Variants in TNFRSF13C observed in about 807,000 individuals in gnomAD.
TNFRSF13C encodes the protein tumor necrosis factor receptor superfamily member 13C.
Under a neutral mutation model 12.1 loss-of-function variants are expected in TNFRSF13C, and 7 were observed. That is an observed-to-expected ratio of 0.58 (90% CI 0.33 to 1.08). The LOEUF (loss-of-function observed/expected upper bound fraction) is 1.08. TNFRSF13C is among the 50% of genes least tolerant of loss of function. The pLI, the probability that TNFRSF13C is intolerant of heterozygous loss-of-function variation, is 0.04. For synonymous variants in TNFRSF13C, 157 were observed against 130.8 expected, an observed-to-expected ratio of 1.20 and a Z score of -1.37; for missense variants, 260 against 265.9, an observed-to-expected ratio of 0.98 and a Z score of 0.15.
chr22:41,926,499 G>T lies in TNFRSF13C; in HGVS notation c.136+139C>A. 8.5e-7 allele frequency: 1 copy of T among 1,177,680 alleles called. No homozygotes were observed. Among genetic ancestry groups the T allele is most frequent in the Non-Finnish European group, 1.1e-6 (1 of 908,906 alleles). The allele number at this position is 1,177,680 out of a possible 1,614,324, so 73.0% of individuals were successfully genotyped here. On this transcript the variant is annotated intron_variant, in intron 1 of 2. Transcript: ENST00000291232. This position sits in a 1 kb window ranked among gnomAD's most constrained non-coding sequence, Gnocchi z 4.9. ...GCGGTGAGGGCCACGCGGTGATCGCGGGCCCCTCCAGGCCCTGCCCACAGG... is the reference window on the plus strand; with the variant it reads ...GCGGTGAGGGCCACGCGGTGATCGCTGGCCCCTCCAGGCCCTGCCCACAGG...
At chr22:41,925,983 C>T in intron 2 of TNFRSF13C, 118 bp downstream of exon 2, 2 of 1,380,682 alleles carry the variant, frequency 1.4e-6, no homozygotes, top group Non-Finnish European at 1.0e-6. Flanking sequence ...CACTCTGTCT[C>T]CGTTTCCCCT....
chr22:41,925,331 GAGGGAGGGCAGGGGCC>G lies in TNFRSF13C; in HGVS notation c.*20_*35del, dbSNP rs2077623548. On this transcript the variant is annotated 3_prime_UTR_variant, in exon 3 of 3. Coordinates refer to ENST00000291232, the MANE Select transcript of TNFRSF13C (RefSeq NM_052945.4). ...TTCCAAGCCCCTGGCTGGGGGTCCA[GAGGGAGGGCAGGGGCC>G]ACCTCCTGCCGGCTCCCTGCTATTG... is the stretch of plus-strand genomic sequence containing the variant. 1.3e-6 allele frequency: 2 copies of G among 1,577,572 alleles called. No homozygotes were observed. The highest frequency in any genetic ancestry group is 1.7e-6 in the Non-Finnish European group (2 of 1,166,490).
rs926272365 is a variant in TNFRSF13C, at chr22:41,926,402, G to A, written c.137-71C>T. 5.6e-6 allele frequency: 7 copies of A among 1,248,598 alleles called. No homozygotes were observed. In the African/African-American group the frequency reaches 1.1e-4, roughly 20 times the overall value. 77.3% of individuals were successfully genotyped at this position (1,248,598 alleles called of 1,614,324 possible). A position where few individuals can be genotyped will look rare whatever the true frequency, so the allele number is the denominator to read the frequency against. On this transcript the variant is annotated intron_variant, in intron 1 of 2. Transcript: ENST00000291232. This position sits in a 1 kb window ranked among gnomAD's most constrained non-coding sequence, Gnocchi z 4.9. ...GGGAGGAGCGGGGACGGGGAGGGGC[G>A]GAGGGGGGCGAGGCTGGCCGGGGAG... is the stretch of plus-strand genomic sequence containing the variant.
chr22:41,926,094 A>G lies in TNFRSF13C; in HGVS notation c.367+7T>C, dbSNP rs1399827098. ...CTCAGACTGGTTCCCCTACACACGG[A>G]ACTCACCGTCCTTGTCTCCGTCGGG... is the stretch of plus-strand genomic sequence containing the variant. On this transcript the variant is annotated splice_region_variant and intron_variant, in intron 2 of 2. Coordinates refer to ENST00000291232, the MANE Select transcript of TNFRSF13C (RefSeq NM_052945.4). This position sits in a 1 kb window ranked among gnomAD's most constrained non-coding sequence, Gnocchi z 4.9. The G allele has an allele frequency of 1.2e-6, 2 of 1,612,298 alleles. No homozygotes were observed. Among genetic ancestry groups the G allele is most frequent in the African/African-American group, 1.3e-5 (1 of 74,884 alleles).
At position 41,924,487 on chromosome 22, in the gene TNFRSF13C, C is replaced by CAAAAAAAAA. The variant is rs11362999; in HGVS notation, c.*871_*879dup. On this transcript the variant is annotated 3_prime_UTR_variant, in exon 3 of 3. Transcript: ENST00000291232. Reference sequence around the variant, plus strand: ...TAGGCGACAGAGCGAGACTCTGTCTCAAAAAAAAAAAAAAAAAAAAAATTA... The same window carrying CAAAAAAAAA: ...TAGGCGACAGAGCGAGACTCTGTCTCAAAAAAAAAAAAAAAAAAAAAAAAAAAAAAATTA... 1 of 79,456 alleles carries CAAAAAAAAA rather than the reference C, an allele frequency of 1.3e-5. No individual in the cohort carries two copies. The allele number at this position is 79,456 out of a possible 1,614,324, so 4.9% of individuals were successfully genotyped here.
chr22:41,926,582 G>C lies in TNFRSF13C; in HGVS notation c.136+56C>G, dbSNP rs2077633478. Reference sequence around the variant, plus strand: ...GGGCTCTGCCTGCGCCCTGGCGATCGGGGCCCCGTTCTCCCCGCAGCTGCC... The same window carrying C: ...GGGCTCTGCCTGCGCCCTGGCGATCCGGGCCCCGTTCTCCCCGCAGCTGCC... On this transcript the variant is annotated intron_variant, in intron 1 of 2. Coordinates refer to ENST00000291232, the MANE Select transcript of TNFRSF13C (RefSeq NM_052945.4). The surrounding 1 kb of genome is among the most constrained non-coding windows in gnomAD (Gnocchi z 4.9). 5.8e-6 allele frequency: 8 copies of C among 1,367,672 alleles called. No homozygotes were observed. Among genetic ancestry groups the C allele is most frequent in the Non-Finnish European group, 7.5e-6 (8 of 1,065,914 alleles). The allele number at this position is 1,367,672 out of a possible 1,614,324, so 84.7% of individuals were successfully genotyped here.
rs1391204298 is a variant in TNFRSF13C, at chr22:41,923,629, G to C, written c.*1738C>G. On this transcript the variant is annotated 3_prime_UTR_variant, in exon 3 of 3. Transcript: ENST00000291232. Reference sequence around the variant, plus strand: ...GGGACCTCATGTCCACCTGGTTCAAGGTCACACGCCTGCCCTGGCCTCTAC... The same window carrying C: ...GGGACCTCATGTCCACCTGGTTCAACGTCACACGCCTGCCCTGGCCTCTAC... 1 of 152,294 alleles carries C rather than the reference G, an allele frequency of 6.6e-6. No individual in the cohort carries two copies. The highest frequency in any genetic ancestry group is 1.5e-5 in the Non-Finnish European group (1 of 68,132). The allele number at this position is 152,294 out of a possible 1,614,324, so 9.4% of individuals were successfully genotyped here.
rs1341412975 is a variant in TNFRSF13C at position 41,924,987 on chromosome 22, A to C, written c.*380T>G. ...AAAAAAAAAAAAAAAAAATCAAACA[A>C]ACACAAAAAACCACCCAACTACAAA... On this transcript the variant is annotated 3_prime_UTR_variant, in exon 3 of 3. Transcript: ENST00000291232. 5.9e-6 allele frequency: 1 copy of C among 168,310 alleles called. No individual in the cohort carries two copies. Among genetic ancestry groups the C allele is most frequent in the South Asian group, 1.8e-4 (1 of 5,596 alleles). The allele number at this position is 168,310 out of a possible 1,614,324, so 10.4% of individuals were successfully genotyped here.
At position 41,923,723 on chromosome 22, in the gene TNFRSF13C, C is replaced by G. The variant is rs2077615888; in HGVS notation, c.*1644G>C. On this transcript the variant is annotated 3_prime_UTR_variant, in exon 3 of 3. Transcript: ENST00000291232. ...CTAAATGTGCTGTGTCTTGGAGCAG[C>G]TGGAACCCCAGGTGGACCCTGAGAG... 6.6e-6 allele frequency: 1 copy of G among 152,272 alleles called. No homozygotes were observed. Among genetic ancestry groups the G allele is most frequent in the Non-Finnish European group, 1.5e-5 (1 of 68,084 alleles). 9.4% of individuals were successfully genotyped at this position (152,272 alleles called of 1,614,324 possible).
At position 41,924,191 on chromosome 22, in the gene TNFRSF13C, T is replaced by TA. The variant is rs11412649; in HGVS notation, c.*1175dup. ...GGGCAACATACCGAGACCCTGTCTT[T>TA]AAAAAAAAAAAAAGGCCAGCCACGG... is the stretch of plus-strand genomic sequence containing the variant. On this transcript the variant is annotated 3_prime_UTR_variant, in exon 3 of 3. Transcript: ENST00000291232. The TA allele has an allele frequency of 0.63, 89,864 of 142,448 alleles. 30,001 individuals are homozygous for TA. Among genetic ancestry groups the TA allele is most frequent in the African/African-American group, 0.88 (33,713 of 38,216 alleles). The allele number at this position is 142,448 out of a possible 1,614,324, so 8.8% of individuals were successfully genotyped here. A position where few individuals can be genotyped will look rare whatever the true frequency, so the allele number is the denominator to read the frequency against.
intron 2 of TNFRSF13C, among the ~76,000 whole-genome samples, chr22:41,925,841 C>T (rs996459105): frequency 3.3e-5 from 5 of 152,140 alleles, no homozygotes; most frequent in Non-Finnish European, 5.9e-5. Flanking sequence ...AGACGGGGCC[C>T]CCTTCCTGCA....
At position 41,922,446 on chromosome 22, in the gene TNFRSF13C, G is replaced by A. The variant is rs1275170848; in HGVS notation, c.*2921C>T. ...TTCTCTGGGGACCACAGGCCAGGAG[G>A]AGAACCTTGCATACAACCCCTCATT... On this transcript the variant is annotated 3_prime_UTR_variant, in exon 3 of 3. Transcript: ENST00000291232. 6.6e-6 allele frequency: 1 copy of A among 152,136 alleles called. No homozygotes were observed. Among genetic ancestry groups the A allele is most frequent in the Non-Finnish European group, 1.5e-5 (1 of 68,026 alleles). The allele number at this position is 152,136 out of a possible 1,614,324, so 9.4% of individuals were successfully genotyped here. A position where few individuals can be genotyped will look rare whatever the true frequency, so the allele number is the denominator to read the frequency against.
chr22:41,923,587 G>C lies in TNFRSF13C; in HGVS notation c.*1780C>G, dbSNP rs2077615285. 1 of 152,402 alleles carries C rather than the reference G, an allele frequency of 6.6e-6. No homozygotes were observed. The highest frequency in any genetic ancestry group is 1.5e-5 in the Non-Finnish European group (1 of 68,170). The allele number at this position is 152,402 out of a possible 1,614,324, so 9.4% of individuals were successfully genotyped here. On this transcript the variant is annotated 3_prime_UTR_variant, in exon 3 of 3. Transcript: ENST00000291232. ...CAGTGCTTCAGGGGAACAAGCCAGA[G>C]AGAGAAGGGAGTTCAAGGGACCTCA... is the stretch of plus-strand genomic sequence containing the variant.
Position 41,926,027 on chromosome 22 carries a change from T to G in TNFRSF13C, c.367+74A>C. 1.3e-6 allele frequency: 2 copies of G among 1,578,126 alleles called. No individual in the cohort carries two copies. ...TTCTCTCCCCCTCAGGGGCCATGCA[T>G]CTCCCCCTAGACCGTCCCGACACCC... On this transcript the variant is annotated intron_variant, in intron 2 of 2. Transcript: ENST00000291232. The surrounding 1 kb of genome is among the most constrained non-coding windows in gnomAD (Gnocchi z 4.9).
Position 41,925,244 on chromosome 22 carries a change from CAG to C in TNFRSF13C, c.*121_*122del, listed in dbSNP as rs749392458. 9.2e-7 allele frequency: 1 copy of C among 1,088,430 alleles called. No homozygotes were observed. Among genetic ancestry groups the C allele is most frequent in the Non-Finnish European group, 1.3e-6 (1 of 776,234 alleles). 67.4% of individuals were successfully genotyped at this position (1,088,430 alleles called of 1,614,324 possible). Reference sequence around the variant, plus strand: ...GTGGTCTGTAGTGTCTGTGCTTCTGCAGAGTTAGCCTGGTCCCAGAAAGAGGG... The same window carrying C: ...GTGGTCTGTAGTGTCTGTGCTTCTGCAGTTAGCCTGGTCCCAGAAAGAGGG... On this transcript the variant is annotated 3_prime_UTR_variant, in exon 3 of 3. Coordinates refer to ENST00000291232, the MANE Select transcript of TNFRSF13C (RefSeq NM_052945.4).
Position 41,926,293 on chromosome 22 carries a change from G to T in TNFRSF13C, c.175C>A (p.Pro59Thr). 1 of 1,480,932 alleles carries T rather than the reference G, an allele frequency of 6.8e-7. No homozygotes were observed. The highest frequency in any genetic ancestry group is 8.9e-7 in the Non-Finnish European group (1 of 1,124,094). 91.7% of individuals were successfully genotyped at this position (1,480,932 alleles called of 1,614,324 possible). A position where few individuals can be genotyped will look rare whatever the true frequency, so the allele number is the denominator to read the frequency against. The change falls in exon 2 of 3, where the codon CCG becomes ACG. Residue 59 changes from proline (P) to threonine (T), a missense_variant. By Grantham distance (38) the Pro-to-Thr change is conservative. Transcript: ENST00000291232. The surrounding 1 kb of genome is among the most constrained non-coding windows in gnomAD (Gnocchi z 4.9). ...GCCCCCGCGCCCACCGACTCCTGCG[G>T]CTGCAGCGCCGTCCTGGGCGCAGGG... is the stretch of plus-strand genomic sequence containing the variant. ...SSPAPRTALQ[P>T]QESVGAGAGE...
rs201892760 is a variant in TNFRSF13C, at chr22:41,925,567, G to C, written c.368-13C>G. The C allele has an allele frequency of 2.1e-3, 3,333 of 1,611,316 alleles. 23 individuals are homozygous for C. Among genetic ancestry groups the C allele is most frequent in the South Asian group, 0.015 (1,344 of 91,032 alleles). On this transcript the variant is annotated splice_polypyrimidine_tract_variant and intron_variant, in intron 2 of 2. Transcript: ENST00000291232. ...AGGGGCTCTGGGGCTGCAGGCAGAGGGGGTAGAGGCTCCGTACTCAGTCAC... is the reference window on the plus strand; with the variant it reads ...AGGGGCTCTGGGGCTGCAGGCAGAGCGGGTAGAGGCTCCGTACTCAGTCAC...
At position 41,926,067 on chromosome 22, in the gene TNFRSF13C, C is replaced by T. The variant is rs780226079; in HGVS notation, c.367+34G>A. On this transcript the variant is annotated intron_variant, in intron 2 of 2. Transcript: ENST00000291232. The surrounding 1 kb of genome is among the most constrained non-coding windows in gnomAD (Gnocchi z 4.9). ...TCCCGACACCCCAGCCCCTGCGCCC[C>T]GCTCAGACTGGTTCCCCTACACACG... 5 of 1,611,544 alleles carry T rather than the reference C, an allele frequency of 3.1e-6. No individual in the cohort carries two copies. The African/African-American group carries it at 6.7e-5, about 22-fold the overall frequency.
chr22:41,925,235 GTGC>G lies in TNFRSF13C; in HGVS notation c.*129_*131del. 2.0e-6 allele frequency: 2 copies of G among 1,010,090 alleles called. No homozygotes were observed. Among genetic ancestry groups the G allele is most frequent in the Non-Finnish European group, 2.8e-6 (2 of 705,416 alleles). 62.6% of individuals were successfully genotyped at this position (1,010,090 alleles called of 1,614,324 possible). ...CTGAATGCTGTGGTCTGTAGTGTCT[GTGC>G]TTCTGCAGAGTTAGCCTGGTCCCAG... On this transcript the variant is annotated 3_prime_UTR_variant, in exon 3 of 3. Coordinates refer to ENST00000291232, the MANE Select transcript of TNFRSF13C (RefSeq NM_052945.4).
Sources: gnomAD v4.1 joint callset for allele counts (sites outside exome capture counted in the v4.1 genomes callset) on GRCh38, gnomAD v4.1.1 for gene constraint, Gnocchi (gnomAD v3.1) non-coding constraint, MANE v1.5 for transcripts, NCBI Gene and HGNC (gene_info 2026-07-23, HGNC 2026-07-21) for gene names.